The following PLCB4 variants were observed in gnomAD, a reference collection of about 807,000 sequenced individuals.
The protein encoded by PLCB4 is 1-phosphatidylinositol 4,5-bisphosphate phosphodiesterase beta-4.
Under a neutral mutation model 178.8 loss-of-function variants are expected in PLCB4, and 77 were observed. The observed-to-expected ratio is 0.43, with a 90% CI of 0.36 to 0.52. The LOEUF (loss-of-function observed/expected upper bound fraction) is 0.52. PLCB4 is among the 20% of genes least tolerant of loss of function. The pLI, the probability that PLCB4 is intolerant of heterozygous loss-of-function variation, is 0.00. For missense variants in PLCB4, 1,024 were observed against 1,453.4 expected, an observed-to-expected ratio of 0.70 and a Z score of 4.80; for synonymous variants, 496 against 490.8, an observed-to-expected ratio of 1.01 and a Z score of -0.14.
rs111287363 is a variant in PLCB4, at chr20:9,370,480, C to T, written c.504-734C>T. ...AGGCATGGATTGAGTTGTAAGGGGC[C>T]GCCTCCTTTTCCCTAGGCCCAGTTA... On this transcript the variant is annotated intron_variant, in intron 9 of 39. Transcript: ENST00000378473. Among the ~76,000 whole-genome samples the T allele has an allele frequency of 2.1e-3, 313 of 152,238 alleles. 1 individual carries two copies. Among genetic ancestry groups the T allele is most frequent in the African/African-American group, 7.3e-3 (302 of 41,538 alleles).
At chr20:9,408,766 G>A (rs759682680) in intron 23 of PLCB4, 49 bp downstream of exon 23, 3 of 966,070 alleles carry the variant, frequency 3.1e-6, no homozygotes, top group Non-Finnish European at 5.0e-6. Context: ...CGTTGGTTTG[G>A]CAAGAGCCTC....
At chr20:9,170,815 T>C (rs2093051994) in intron 2 of PLCB4, among the ~76,000 whole-genome samples, 1 of 152,182 alleles carries the variant, frequency 6.6e-6, no homozygotes, top group Non-Finnish European at 1.5e-5. Context: ...AAGCTAATTG[T>C]CTGAATTGCC....
chr20:9,140,752 GAC>G (rs2146868738), intron 2 of PLCB4, among the ~76,000 whole-genome samples: 1 of 152,042 alleles, frequency 6.6e-6, no homozygotes, highest in African/African-American at 2.4e-5. Flanking sequence ...AGCTTCCTGA[GAC>G]CTCACCAGAA....
At chr20:9,143,896 G>C (rs143117753) in intron 2 of PLCB4, among the ~76,000 whole-genome samples, 393 of 152,146 alleles carry the variant, frequency 2.6e-3, no homozygotes, top group African/African-American at 8.9e-3. Context: ...TCTGCAAAAG[G>C]GATCTTAATT....
At position 9,479,124 on chromosome 20, in the gene PLCB4, A is replaced by G; in HGVS notation, c.*115A>G. 1.4e-6 allele frequency: 1 copy of G among 733,148 alleles called. No individual in the cohort carries two copies. The highest frequency in any genetic ancestry group is 2.4e-6 in the Non-Finnish European group (1 of 418,712). 45.4% of individuals were successfully genotyped at this position (733,148 alleles called of 1,614,324 possible). A position where few individuals can be genotyped will look rare whatever the true frequency, so the allele number is the denominator to read the frequency against. ...ATGTGTAAACAAGATGATATCTGAA[A>G]CCAGAGAGACTTGGAATGTCTGACT... On this transcript the variant is annotated 3_prime_UTR_variant, in exon 40 of 40. Transcript: ENST00000378473.
intron 3 of PLCB4, among the ~76,000 whole-genome samples, chr20:9,286,377 G>T (rs1313893847): frequency 6.6e-6 from 1 of 151,942 alleles, no homozygotes; most frequent in Non-Finnish European, 1.5e-5. Flanking sequence ...GGTGGTTATG[G>T]GTATAGTGGA....
At chr20:9,187,972 T>A (rs756705565) in intron 2 of PLCB4, among the ~76,000 whole-genome samples, 1 of 152,210 alleles carries the variant, frequency 6.6e-6, no homozygotes, top group East Asian at 1.9e-4. Flanking sequence ...TCTCTCAAAC[T>A]AGAAGATTTC....
chr20:9,272,238 G>C (rs1285127756), intron 3 of PLCB4, among the ~76,000 whole-genome samples: 1 of 151,894 alleles, frequency 6.6e-6, no homozygotes, highest in African/African-American at 2.4e-5. Flanking sequence ...GGCTAAGAAG[G>C]TATAACAATT....
At chr20:9,258,744 T>TCTAGAGGA (rs1377411162) in intron 3 of PLCB4, among the ~76,000 whole-genome samples, 8 of 150,708 alleles carry the variant, frequency 5.3e-5, no homozygotes, top group African/African-American at 1.5e-4. Context: ...AAAGATAATT[T>TCTAGAGGA]CTAGAGGACT....
chr20:9,247,471 C>A (rs62194809), intron 3 of PLCB4, among the ~76,000 whole-genome samples: 5,841 of 152,192 alleles, frequency 0.038, 151 homozygotes, highest in South Asian at 0.058. Context: ...AATAAAAATA[C>A]AACCCTCTTC....
At chr20:9,146,220 A>G (rs1158460905) in intron 2 of PLCB4, among the ~76,000 whole-genome samples, 2 of 152,130 alleles carry the variant, frequency 1.3e-5, no homozygotes, top group African/African-American at 4.8e-5. Flanking sequence ...GTGCCTACAT[A>G]GATCCAAATT....
At chr20:9,365,411 C>T (rs767399595) in intron 8 of PLCB4, 50 bp from the exon 9 acceptor site, 3 of 1,145,414 alleles carry the variant, frequency 2.6e-6, no homozygotes, top group African/African-American at 3.1e-5. Context: ...AGAATTGAAG[C>T]TGCTCCCTCT....
At chr20:9,329,052 T>A (rs1284152692) in intron 4 of PLCB4, among the ~76,000 whole-genome samples, 1 of 152,232 alleles carries the variant, frequency 6.6e-6, no homozygotes, top group Non-Finnish European at 1.5e-5. Flanking sequence ...CCTAATCTTT[T>A]ATTATGCAGA....
chr20:9,397,553 T>C (rs2038691138), intron 19 of PLCB4, among the ~76,000 whole-genome samples: 1 of 152,204 alleles, frequency 6.6e-6, no homozygotes, highest in Non-Finnish European at 1.5e-5. Flanking sequence ...AAGCTAGACA[T>C]AGAGCTAAAA....
intron 2 of PLCB4, among the ~76,000 whole-genome samples, chr20:9,160,539 G>A (rs1043967679): frequency 6.6e-5 from 10 of 152,158 alleles, no homozygotes; most frequent in African/African-American, 2.4e-4. Flanking sequence ...CTGTGTGTGT[G>A]CATGCATGTT....
At chr20:9,419,393 G>A (rs2040470046) in intron 25 of PLCB4, among the ~76,000 whole-genome samples, 1 of 152,074 alleles carries the variant, frequency 6.6e-6, no homozygotes, top group Admixed American at 6.5e-5. Flanking sequence ...ATCATAATTA[G>A]ATCTTACCAT....
At chr20:9,239,941 C>A (rs1478195532) in intron 3 of PLCB4, among the ~76,000 whole-genome samples, 1 of 152,190 alleles carries the variant, frequency 6.6e-6, no homozygotes, top group Non-Finnish European at 1.5e-5. Context: ...GGAAGACTCG[C>A]AAGTCTGCTC....
chr20:9,428,161 C>A (rs2041156330), intron 28 of PLCB4, among the ~76,000 whole-genome samples: 1 of 152,148 alleles, frequency 6.6e-6, no homozygotes, highest in Admixed American at 6.5e-5. Flanking sequence ...AGATGCCATT[C>A]CTGGGAAATA....
chr20:9,423,647 G>C (rs2040801899), intron 27 of PLCB4, 101 bp from the exon 28 acceptor site: 4 of 856,564 alleles, frequency 4.7e-6, no homozygotes, highest in Non-Finnish European at 7.6e-6. Context: ...TCAACATCAG[G>C]GAACATTTAA....
Sources: allele counts gnomAD v4.1 joint callset (sites outside exome capture counted in the v4.1 genomes callset), GRCh38; gene constraint gnomAD v4.1.1; transcripts MANE v1.5; gene names NCBI Gene and HGNC (gene_info 2026-07-23, HGNC 2026-07-21).